CEP63: variants seen among roughly 807,000 people sequenced by gnomAD.
CEP63 encodes the protein centrosomal protein of 63 kDa.
CEP63 carries 84 observed loss-of-function variants against 89.1 expected under a neutral mutation model. The observed-to-expected ratio is 0.94, with a 90% CI of 0.79 to 1.13. The LOEUF is 1.13. CEP63 is among the 50% of genes most tolerant of loss of function. The pLI is 0.00. For synonymous variants in CEP63, 267 were observed against 272.5 expected, an observed-to-expected ratio of 0.98 and a Z score of 0.20; for missense variants, 838 against 813.3, an observed-to-expected ratio of 1.03 and a Z score of -0.37.
At chr3:134,633,892 A>C in the CEP63 span, among the ~76,000 whole-genome samples, 2 of 152,208 alleles carry the variant, frequency 1.3e-5, no homozygotes, top group African/African-American at 4.8e-5. Context: ...AGAACTAATA[A>C]GTTAGTTTAG....
At chr3:134,549,328 A>G (rs1954291245) in intron 10 of CEP63, 152 bp downstream of exon 10, 2 of 615,416 alleles carry the variant, frequency 3.2e-6, no homozygotes. Context: ...TGGAATGTGC[A>G]TAGGGAAAGT....
At position 134,583,461 on chromosome 3, in the gene CEP63, T is replaced by G. The variant is rs1221085516; in HGVS notation, c.1207-3997T>G. Among the ~76,000 whole-genome samples the G allele has an allele frequency of 3.9e-5, 6 of 152,252 alleles. No individual in the cohort carries two copies. In the East Asian group the frequency reaches 9.6e-4, roughly 24 times the overall value. ...AATCCTTTCCCCATTTCTTGTTTTT[T>G]TCAGGTTTGTCAAAGATCAGATAGT... On this transcript the variant is annotated intron_variant, in intron 10 of 10. Coordinates refer to the CEP63 transcript ENST00000683931.
the CEP63 span, among the ~76,000 whole-genome samples, chr3:134,640,543 A>G: frequency 6.6e-6 from 1 of 152,284 alleles, no homozygotes. Flanking sequence ...TAGAGCTTCC[A>G]AGAAGGCTTC....
At chr3:134,709,061 T>A in the CEP63 span, among the ~76,000 whole-genome samples, 1 of 150,528 alleles carries the variant, frequency 6.6e-6, no homozygotes, top group Non-Finnish European at 1.5e-5. Context: ...AGACCCAGGG[T>A]ACAGATGAAA....
chr3:134,541,200 A>G (rs1951924571), intron 6 of CEP63, among the ~76,000 whole-genome samples: 1 of 152,176 alleles, frequency 6.6e-6, no homozygotes, highest in Non-Finnish European at 1.5e-5. Context: ...ATTTTTGCCC[A>G]GTATTTTTTA....
At chr3:134,752,851 C>G in the CEP63 span, among the ~76,000 whole-genome samples, 1 of 152,130 alleles carries the variant, frequency 6.6e-6, no homozygotes, top group South Asian at 2.1e-4. Flanking sequence ...CTGTTTGAAG[C>G]CACTGTGTCT....
chr3:134,745,641 G>A, the CEP63 span, among the ~76,000 whole-genome samples: 6 of 151,422 alleles, frequency 4.0e-5, no homozygotes, highest in Admixed American at 2.0e-4. Flanking sequence ...CCATTAACTC[G>A]TCATTTACAT....
At chr3:134,738,552 T>C in the CEP63 span, among the ~76,000 whole-genome samples, 1 of 152,110 alleles carries the variant, frequency 6.6e-6, no homozygotes, top group South Asian at 2.1e-4. Flanking sequence ...GTCACTGATA[T>C]GTGGGAGTTA....
the CEP63 span, among the ~76,000 whole-genome samples, chr3:134,725,885 A>T: frequency 6.6e-6 from 1 of 152,124 alleles, no homozygotes; most frequent in Non-Finnish European, 1.5e-5. Flanking sequence ...GGCTCAGAGG[A>T]GCGAGGGCAG....
the CEP63 span, among the ~76,000 whole-genome samples, chr3:134,677,951 C>T: frequency 6.6e-6 from 1 of 151,992 alleles, no homozygotes; most frequent in Admixed American, 6.5e-5. Context: ...GCTTGCTGGT[C>T]TCTTTGTCTC....
At chr3:134,661,308 C>A in the CEP63 span, among the ~76,000 whole-genome samples, 1 of 152,240 alleles carries the variant, frequency 6.6e-6, no homozygotes, top group Non-Finnish European at 1.5e-5. Context: ...ACTGTGCAAA[C>A]CATCAGCCAA....
the CEP63 span, among the ~76,000 whole-genome samples, chr3:134,680,960 G>A: frequency 6.6e-6 from 1 of 152,232 alleles, no homozygotes; most frequent in Non-Finnish European, 1.5e-5. Context: ...GCCCAGAGGA[G>A]CTTTGCAGGA....
the CEP63 span, chr3:134,597,880 A>G: frequency 2.0e-5 from 3 of 152,260 alleles, no homozygotes; most frequent in Non-Finnish European, 1.5e-5. Flanking sequence ...GTCCACCTGA[A>G]CATATGATCT....
chr3:134,627,733 T>C, the CEP63 span: 2 of 1,610,342 alleles, frequency 1.2e-6, no homozygotes, highest in African/African-American at 1.3e-5. Context: ...TTGAGAATTG[T>C]CCTGGAAGAC....
Position 134,551,826 on chromosome 3 carries a change from GA to G in CEP63, c.1381-98del, listed in dbSNP as rs1954930076. The G allele has an allele frequency of 6.0e-6, 3 of 503,768 alleles. No individual in the cohort carries two copies. The Admixed American group carries it at 8.6e-5, about 14-fold the overall frequency. The allele number at this position is 503,768 out of a possible 1,614,324, so 31.2% of individuals were successfully genotyped here. On this transcript the variant is annotated intron_variant, in intron 11 of 14. Transcript: ENST00000675561. ...GTATATGTATATATATATAAATGAA[GA>G]ATATGACTTAGCCTAATGAAAATTC...
intron 10 of CEP63, among the ~76,000 whole-genome samples, chr3:134,580,895 A>G (rs1004144270): frequency 2.6e-5 from 4 of 152,222 alleles, no homozygotes; most frequent in African/African-American, 9.6e-5. Flanking sequence ...AGCCAATGTA[A>G]TTAATCAGCT....
intron 2 of CEP63, among the ~76,000 whole-genome samples, 191 bp from the exon 3 acceptor site, chr3:134,506,918 C>CAAAA (rs1229943667): frequency 1.2e-4 from 3 of 24,246 alleles, no homozygotes; most frequent in South Asian, 1.5e-3. Flanking sequence ...AACTCCATCT[C>CAAAA]AAAAAAAAAA....
At chr3:134,711,925 G>A in the CEP63 span, among the ~76,000 whole-genome samples, 1 of 151,862 alleles carries the variant, frequency 6.6e-6, no homozygotes, top group African/African-American at 2.4e-5. Flanking sequence ...ACCATGCCCG[G>A]CTAATTTTTA....
the CEP63 span, among the ~76,000 whole-genome samples, chr3:134,637,047 C>T: frequency 6.6e-6 from 1 of 152,148 alleles, no homozygotes; most frequent in African/African-American, 2.4e-5. Context: ...TAAACTTGTT[C>T]TGCATGCCAA....
Sources: allele counts gnomAD v4.1 joint callset (sites outside exome capture counted in the v4.1 genomes callset), GRCh38; gene constraint gnomAD v4.1.1; transcripts MANE v1.5; gene names NCBI Gene and HGNC (gene_info 2026-07-23, HGNC 2026-07-21).